PDIA4: variants seen among roughly 807,000 people sequenced by gnomAD.
PDIA4 encodes protein disulfide-isomerase A4.
Under a neutral mutation model 62.1 loss-of-function variants are expected in PDIA4, and 33 were observed. The observed-to-expected ratio is 0.53, with a 90% confidence interval of 0.40 to 0.71. The LOEUF (loss-of-function observed/expected upper bound fraction) is 0.71, where lower values mean the gene tolerates loss of function less well. Ranked by LOEUF, PDIA4 falls within the 30% of genes least tolerant of loss-of-function variation. The pLI, the probability that PDIA4 is intolerant of heterozygous loss-of-function variation, is 0.00. For missense variants in PDIA4, 804 were observed against 813.6 expected (o/e 0.99, Z 0.14); for synonymous variants, 341 against 324.1 (o/e 1.05, Z -0.56).
At chr7:149,006,994 G>A (rs1487273576) in intron 7 of PDIA4, among the ~76,000 whole-genome samples, 1 of 152,164 alleles carries the variant, frequency 6.6e-6, no homozygotes, top group Non-Finnish European at 1.5e-5. Flanking sequence ...AGCTGTGTCC[G>A]ATTCTCGGGA....
At chr7:149,006,718 G>A (rs1823769571) in intron 7 of PDIA4, among the ~76,000 whole-genome samples, 1 of 152,240 alleles carries the variant, frequency 6.6e-6, no homozygotes, top group Non-Finnish European at 1.5e-5. Flanking sequence ...TGGCGTGACA[G>A]CACTGGAGGG....
intron 6 of PDIA4, among the ~76,000 whole-genome samples, chr7:149,010,471 GCAAT>G (rs5888347): frequency 0.65 from 98,246 of 151,486 alleles, 35,700 homozygotes; most frequent in South Asian, 0.82. Flanking sequence ...TCCAGCCTGG[GCAAT>G]CAGAGTGAGA....
chr7:149,015,007 C>A lies in PDIA4; in HGVS notation c.511G>T (p.Asp171Tyr), dbSNP rs546985950. Residue 171 changes from aspartate to tyrosine, a missense_variant, in exon 4 of 10, where the codon GAC becomes TAC. Transcript: ENST00000652332. ...VAKVREVSQP[D>Y]WTPPPEVTLV... The stretch of plus-strand genomic sequence containing the variant: ...GTGACTTCTGGTGGAGGCGTCCAGT[C>A]GGGCTGGGAGACTTCTCTGACCTTG... 1 of 1,614,184 alleles carries A rather than the reference C, an allele frequency of 6.2e-7. No individual in the cohort carries two copies. The highest frequency in any genetic ancestry group is 1.1e-5 in the South Asian group (1 of 91,082).
intron 2 of PDIA4, among the ~76,000 whole-genome samples, chr7:149,020,103 G>T (rs1377990976): frequency 2.0e-5 from 3 of 152,102 alleles, no homozygotes; most frequent in African/African-American, 7.2e-5. Flanking sequence ...CGGGACTACA[G>T]GTGCGTGCCA....
intron 4 of PDIA4, among the ~76,000 whole-genome samples, chr7:149,014,563 C>T (rs536572260): frequency 9.5e-4 from 144 of 152,276 alleles, no homozygotes; most frequent in Non-Finnish European, 1.4e-3. Context: ...CCCTCCCCTC[C>T]CCTCCCCATG....
In PDIA4 at chr7:149,021,217, G is replaced by A. The variant is rs547279954; in HGVS notation, c.89-70C>T. The A allele has an allele frequency of 8.5e-5, 128 of 1,497,608 alleles. 2 individuals are homozygous for A. The South Asian group carries it at 1.0e-3, about 12-fold the overall frequency. The allele number at this position is 1,497,608 out of a possible 1,614,324, so 92.8% of individuals were successfully genotyped here. The stretch of plus-strand genomic sequence containing the variant: ...CTCCTTAAAACTTTCCTGGCCGGGC[G>A]CGGTGGCTCACACTTGTAATCCCAG... On this transcript the variant is annotated intron_variant, in intron 1 of 9. Coordinates refer to ENST00000652332, the MANE Select transcript of PDIA4 (RefSeq NM_004911.5).
chr7:149,028,240 C>T, intron 1 of PDIA4, 81 bp downstream of exon 1: 4 of 1,056,362 alleles, frequency 3.8e-6, no homozygotes, highest in East Asian at 5.4e-5. Flanking sequence ...GCCCGCCCGC[C>T]GGGGTCGCAG....
rs1563123083 is a variant in PDIA4, at chr7:149,019,081, G to A, written c.386C>T (p.Ala129Val). Reference protein sequence around the residue: ...KIDATSASVLASRFDVSGYPT... With the variant: ...KIDATSASVLVSRFDVSGYPT... ...GTAGCCACTCACATCAAACCTGCTG[G>A]CCAGCACAGACGCTGAGGTTGCATC... The change falls in exon 3 of 10, where the codon GCC becomes GTC. Residue 129 changes from alanine to valine, a missense_variant. Physicochemically the swap from Ala to Val is moderately conservative, Grantham distance 64 (BLOSUM62 0). Coordinates refer to ENST00000652332, the MANE Select transcript of PDIA4 (RefSeq NM_004911.5). The A allele has an allele frequency of 6.2e-7, 1 of 1,613,706 alleles. No homozygotes were observed. The highest frequency in any genetic ancestry group is 8.5e-7 in the Non-Finnish European group (1 of 1,179,854).
Position 149,004,222 on chromosome 7 carries a change from G to A in PDIA4, c.1523-13C>T. 6.2e-7 allele frequency: 1 copy of A among 1,606,890 alleles called. No individual in the cohort carries two copies. The highest frequency in any genetic ancestry group is 2.2e-5 in the East Asian group (1 of 44,794). On this transcript the variant is annotated splice_polypyrimidine_tract_variant and intron_variant, in intron 9 of 9. Transcript: ENST00000652332. ...GGCTTCAGTTTTCCTGCCAAGGAAA[G>A]CAAGGCGGGAGGGGGCGTCAGTGCT...
At chr7:149,027,986 C>T in intron 1 of PDIA4, 1 of 535,852 alleles carries the variant, frequency 1.9e-6, no homozygotes, top group South Asian at 1.5e-5. Context: ...CTGGACCTGA[C>T]GAAAATCTGT....
At chr7:149,014,193 CCCCACAGTGCAGAAGGTGCCA>C (rs1824048834) in intron 4 of PDIA4, among the ~76,000 whole-genome samples, 1 of 152,142 alleles carries the variant, frequency 6.6e-6, no homozygotes, top group Non-Finnish European at 1.5e-5. Context: ...CCAAACCTGA[CCCCACAGTGCAGAAGGTGCCA>C]CCCACCCCCC....
chr7:149,016,241 T>C (rs1207233087), intron 3 of PDIA4, among the ~76,000 whole-genome samples: 1 of 152,112 alleles, frequency 6.6e-6, no homozygotes, highest in Non-Finnish European at 1.5e-5. Flanking sequence ...GGCTGTTCGG[T>C]GAGCCAAGAT....
intron 6 of PDIA4, among the ~76,000 whole-genome samples, chr7:149,010,456 T>C (rs1298922762): frequency 8.7e-6 from 1 of 114,968 alleles, no homozygotes; most frequent in Non-Finnish European, 2.0e-5. Flanking sequence ...ATCACACCAC[T>C]GCAGTCCAGC....
chr7:149,004,346 G>T, intron 9 of PDIA4, 137 bp from the exon 10 acceptor site: 1 of 781,622 alleles, frequency 1.3e-6, no homozygotes, highest in Non-Finnish European at 2.1e-6. Flanking sequence ...CACTACTGTA[G>T]AAAGTAGTAG....
intron 2 of PDIA4, among the ~76,000 whole-genome samples, chr7:149,019,437 T>C (rs1824265769): frequency 6.6e-6 from 1 of 152,132 alleles, no homozygotes; most frequent in Admixed American, 6.5e-5. Flanking sequence ...GAGCTTGACA[T>C]GGCCGGGTGC....
chr7:149,011,813 A>C (rs1183941566), intron 6 of PDIA4, 33 bp downstream of exon 6: 1 of 1,504,840 alleles, frequency 6.6e-7, no homozygotes, highest in African/African-American at 1.4e-5. Flanking sequence ...CAAGGCACGC[A>C]CATTTTGTTC....
chr7:149,020,407 TAGAGG>T (rs1217880162), intron 2 of PDIA4, among the ~76,000 whole-genome samples: 1 of 151,798 alleles, frequency 6.6e-6, no homozygotes, highest in Non-Finnish European at 1.5e-5. Flanking sequence ...TTCAAAACAG[TAGAGG>T]AGAAGGGATG....
intron 1 of PDIA4, among the ~76,000 whole-genome samples, chr7:149,023,373 T>C (rs1261654619): frequency 1.3e-5 from 2 of 152,234 alleles, no homozygotes; most frequent in Non-Finnish European, 2.9e-5. Flanking sequence ...TGTCTTTGAA[T>C]GAATCGTGTG....
chr7:149,008,677 T>C (rs879287534), intron 6 of PDIA4, among the ~76,000 whole-genome samples: 1 of 151,548 alleles, frequency 6.6e-6, no homozygotes, highest in Non-Finnish European at 1.5e-5. Context: ...CACTGTGTAC[T>C]TTCAGCCTGG....
Sources: allele counts gnomAD v4.1 joint callset (sites outside exome capture counted in the v4.1 genomes callset), GRCh38; gene constraint gnomAD v4.1.1; transcripts MANE v1.5; gene names NCBI Gene and HGNC (gene_info 2026-07-23, HGNC 2026-07-21).